GRIP1: variants seen among roughly 807,000 people sequenced by gnomAD.
GRIP1 encodes the protein glutamate receptor interacting protein 1.
GRIP1 carries 45 observed loss-of-function variants against 129.9 expected under a neutral mutation model. That is an observed-to-expected ratio of 0.35 (90% CI 0.27 to 0.44). The LOEUF is 0.44. GRIP1 is among the 20% of genes least tolerant of loss of function. The pLI, the probability that GRIP1 is intolerant of heterozygous loss-of-function variation, is 1.00. For missense variants in GRIP1, 1,196 were observed against 1,396.8 expected (o/e 0.86, Z 2.29); for synonymous variants, 530 against 520.8 (o/e 1.02, Z -0.24).
chr12:67,059,057 G>A (rs1382716426), intron 1 of GRIP1, among the ~76,000 whole-genome samples: 1 of 152,154 alleles, frequency 6.6e-6, no homozygotes, highest in Non-Finnish European at 1.5e-5. Flanking sequence ...TAGCATGAAG[G>A]CCCCCTATGT....
chr12:67,038,312 C>T (rs1262292666), intron 1 of GRIP1, among the ~76,000 whole-genome samples: 1 of 152,230 alleles, frequency 6.6e-6, no homozygotes, highest in Non-Finnish European at 1.5e-5. Context: ...TCCATTCCCA[C>T]TGCCACATTC....
At chr12:66,878,717 T>C (rs1217575939) in intron 1 of GRIP1, among the ~76,000 whole-genome samples, 1 of 152,072 alleles carries the variant, frequency 6.6e-6, no homozygotes, top group African/African-American at 2.4e-5. Flanking sequence ...TCATGGAGCT[T>C]ACATTGTTAG....
intron 6 of GRIP1, among the ~76,000 whole-genome samples, chr12:66,517,506 T>C (rs2060881264): frequency 1.3e-5 from 2 of 152,050 alleles, no homozygotes; most frequent in Non-Finnish European, 2.9e-5. Flanking sequence ...GGCTGGGAGA[T>C]TAGCAACAGG....
At chr12:66,965,596 T>TGTGTGTGTGTGTGTGTGTGA (rs1308974868) in intron 1 of GRIP1, among the ~76,000 whole-genome samples, 1 of 146,754 alleles carries the variant, frequency 6.8e-6, no homozygotes, top group African/African-American at 2.5e-5. Context: ...TGTGTGTGTG[T>TGTGTGTGTGTGTGTGTGTGA]GAGATATTAT....
chr12:66,678,678 A>ATGT (rs2034450355), intron 1 of GRIP1, among the ~76,000 whole-genome samples, 172 bp downstream of exon 1: 1 of 152,316 alleles, frequency 6.6e-6, no homozygotes, highest in East Asian at 1.9e-4. Context: ...GTAAGGACAG[A>ATGT]AAGCAAAGCC....
At chr12:66,475,810 C>G (rs1301012831) in intron 7 of GRIP1, among the ~76,000 whole-genome samples, 1 of 152,202 alleles carries the variant, frequency 6.6e-6, no homozygotes, top group Non-Finnish European at 1.5e-5. Context: ...ACCAGAATCT[C>G]TGGGATGCAT....
intron 1 of GRIP1, among the ~76,000 whole-genome samples, chr12:66,767,687 A>C (rs917567077): frequency 2.0e-5 from 3 of 152,176 alleles, no homozygotes; most frequent in Non-Finnish European, 4.4e-5. Context: ...AGAAAATTAC[A>C]TAACCACTGA....
At chr12:66,530,819 G>A (rs983354006) in intron 4 of GRIP1, among the ~76,000 whole-genome samples, 11 of 151,898 alleles carry the variant, frequency 7.2e-5, no homozygotes, top group Admixed American at 2.0e-4. Flanking sequence ...GTAATGTGTA[G>A]GAGAATTTTA....
chr12:66,451,510 C>A (rs939758419), intron 11 of GRIP1, among the ~76,000 whole-genome samples: 1 of 146,524 alleles, frequency 6.8e-6, no homozygotes, highest in East Asian at 2.1e-4. Context: ...CTCAAGCGAT[C>A]CTTCCACCTC....
upstream of GRIP1, among the ~76,000 whole-genome samples, chr12:66,681,494 G>C (rs563425924): frequency 6.6e-6 from 1 of 152,250 alleles, no homozygotes; most frequent in African/African-American, 2.4e-5. Flanking sequence ...TGGACCACAG[G>C]CTCCTAACAT....
chr12:66,401,711 C>A (rs1333490357), intron 16 of GRIP1, among the ~76,000 whole-genome samples: 2 of 151,070 alleles, frequency 1.3e-5, no homozygotes. Flanking sequence ...ATTAAATGGA[C>A]ATTTACAGAT....
intron 3 of GRIP1, among the ~76,000 whole-genome samples, chr12:66,541,075 A>T (rs2061765974): frequency 6.6e-6 from 1 of 151,956 alleles, no homozygotes; most frequent in Non-Finnish European, 1.5e-5. Context: ...TTGGCCTCCC[A>T]ATGTGCTGGG....
intron 1 of GRIP1, among the ~76,000 whole-genome samples, chr12:66,793,882 AAAGAT>A (rs1474884209): frequency 3.7e-4 from 56 of 152,330 alleles, no homozygotes; most frequent in African/African-American, 1.2e-3. Context: ...TCTGGAAAAT[AAAGAT>A]AATAGTATTA....
chr12:66,965,244 C>T (rs1301249034), intron 1 of GRIP1, among the ~76,000 whole-genome samples: 1 of 152,034 alleles, frequency 6.6e-6, no homozygotes, highest in African/African-American at 2.4e-5. Flanking sequence ...TCAGTAAATA[C>T]TCCTTCAACA....
intron 1 of GRIP1, among the ~76,000 whole-genome samples, chr12:67,019,396 G>A (rs1431645251): frequency 6.6e-6 from 1 of 152,188 alleles, no homozygotes; most frequent in Non-Finnish European, 1.5e-5. Flanking sequence ...TCAGCCCCAC[G>A]GCTGGCCCTG....
At chr12:66,849,718 T>C (rs1475457916) in intron 1 of GRIP1, among the ~76,000 whole-genome samples, 1 of 152,184 alleles carries the variant, frequency 6.6e-6, no homozygotes, top group Admixed American at 6.6e-5. Flanking sequence ...ATGAAATAAA[T>C]ACATAAATGT....
At chr12:66,956,264 A>G (rs915250292) in intron 1 of GRIP1, among the ~76,000 whole-genome samples, 1 of 152,088 alleles carries the variant, frequency 6.6e-6, no homozygotes, top group African/African-American at 2.4e-5. Flanking sequence ...AAGCAAATTG[A>G]TCAGGTATTC....
At chr12:66,716,053 T>C (rs576136244) in intron 1 of GRIP1, among the ~76,000 whole-genome samples, 1 of 152,148 alleles carries the variant, frequency 6.6e-6, no homozygotes, top group African/African-American at 2.4e-5. Context: ...GGTATTCTCT[T>C]ATGAAAAATG....
intron 1 of GRIP1, among the ~76,000 whole-genome samples, chr12:66,876,189 A>T: frequency 6.6e-6 from 1 of 152,054 alleles, no homozygotes; most frequent in Non-Finnish European, 1.5e-5. Context: ...GAAGAAAAAA[A>T]TTTATAGTTA....
Sources: allele counts gnomAD v4.1 joint callset (sites outside exome capture counted in the v4.1 genomes callset), GRCh38; gene constraint gnomAD v4.1.1; transcripts MANE v1.5; gene names NCBI Gene and HGNC (gene_info 2026-07-23, HGNC 2026-07-21).